ANK3: variants seen among roughly 807,000 people sequenced by gnomAD.
ANK3 encodes the protein ankyrin-3.
Under a neutral mutation model 370.9 loss-of-function variants are expected in ANK3, and 57 were observed. The observed-to-expected ratio is 0.15, with a 90% CI of 0.12 to 0.19. The LOEUF (loss-of-function observed/expected upper bound fraction) is 0.19. Ranked by LOEUF, ANK3 falls within the 10% of genes least tolerant of loss-of-function variation. The probability of loss-of-function intolerance (pLI) is 1.00; values close to 1 mark genes in which losing one functional copy is unlikely to be tolerated. For missense variants in ANK3, 4,439 were observed against 5,302.1 expected (o/e 0.84, Z 5.06); for synonymous variants, 1,929 against 1,946.3 (o/e 0.99, Z 0.23).
chr10:60,340,605 T>G (rs1594117682), intron 1 of ANK3, among the ~76,000 whole-genome samples: 1 of 152,008 alleles, frequency 6.6e-6, no homozygotes, highest in East Asian at 1.9e-4. Flanking sequence ...AGATATGGGG[T>G]TTCACCATGT....
At chr10:60,501,222 G>A (rs2075787446) in intron 2 of ANK3, among the ~76,000 whole-genome samples, 1 of 152,178 alleles carries the variant, frequency 6.6e-6, no homozygotes, top group African/African-American at 2.4e-5. Context: ...GAGCAGGCAG[G>A]AGGTGAGAGG....
At chr10:60,701,739 T>C (rs1480461281) in intron 1 of ANK3, among the ~76,000 whole-genome samples, 1 of 152,250 alleles carries the variant, frequency 6.6e-6, no homozygotes, top group African/African-American at 2.4e-5. Flanking sequence ...CTTTGTACTT[T>C]CTCTAATTAA....
At chr10:60,132,670 A>G (rs752150216) in intron 25 of ANK3, among the ~76,000 whole-genome samples, 50 of 151,206 alleles carry the variant, frequency 3.3e-4, no homozygotes, top group Middle Eastern at 3.5e-3. Flanking sequence ...AGGCTGGAGT[A>G]CAGTGGTGCA....
chr10:60,528,774 C>A (rs2076537293), intron 2 of ANK3, among the ~76,000 whole-genome samples: 1 of 152,048 alleles, frequency 6.6e-6, no homozygotes, highest in Non-Finnish European at 1.5e-5. Flanking sequence ...CCTCCCCAAC[C>A]ACTGCAGCAA....
At chr10:60,547,260 T>G (rs889069711) in intron 2 of ANK3, among the ~76,000 whole-genome samples, 2 of 151,342 alleles carry the variant, frequency 1.3e-5, no homozygotes, top group Admixed American at 6.6e-5. Context: ...CTAGCTAATT[T>G]TTTTGTATTT....
At chr10:60,114,530 T>C (rs1179029576) in intron 25 of ANK3, among the ~76,000 whole-genome samples, 199 bp from the exon 26 acceptor site, 1 of 152,222 alleles carries the variant, frequency 6.6e-6, no homozygotes, top group East Asian at 1.9e-4. Flanking sequence ...ATGTATTGTT[T>C]TATTTCAATC....
At chr10:60,716,384 G>A (rs2079788799) in intron 1 of ANK3, among the ~76,000 whole-genome samples, 1 of 151,676 alleles carries the variant, frequency 6.6e-6, no homozygotes, top group Non-Finnish European at 1.5e-5. Context: ...CTTAAATATA[G>A]GTTAAAAAAA....
At chr10:60,190,805 G>A (rs2096463524) in intron 16 of ANK3, among the ~76,000 whole-genome samples, 1 of 152,180 alleles carries the variant, frequency 6.6e-6, no homozygotes, top group African/African-American at 2.4e-5. Context: ...GAACAAAGTT[G>A]GAGGCATCAT....
upstream of ANK3, among the ~76,000 whole-genome samples, chr10:60,390,296 C>A (rs1412258964): frequency 6.6e-6 from 1 of 152,070 alleles, no homozygotes; most frequent in Admixed American, 6.5e-5. Context: ...AAACAACATG[C>A]TGATTACAAC....
chr10:60,657,180 C>T (rs1211120736), intron 1 of ANK3, among the ~76,000 whole-genome samples: 4 of 152,110 alleles, frequency 2.6e-5, no homozygotes, highest in Non-Finnish European at 2.9e-5. Context: ...CATTAGATCT[C>T]GTGAGACTTA....
intron 2 of ANK3, among the ~76,000 whole-genome samples, chr10:60,546,081 G>A (rs1351290983): frequency 1.3e-5 from 2 of 152,124 alleles, no homozygotes; most frequent in African/African-American, 4.8e-5. Flanking sequence ...TGTCACCCAG[G>A]CTGGAGGGCA....
intron 16 of ANK3, among the ~76,000 whole-genome samples, chr10:60,194,855 G>A (rs2096558638): frequency 6.6e-6 from 1 of 152,134 alleles, no homozygotes; most frequent in Non-Finnish European, 1.5e-5. Flanking sequence ...ATTTCACTGG[G>A]TATAATTCTG....
At chr10:60,255,998 C>T (rs918288554) in intron 7 of ANK3, among the ~76,000 whole-genome samples, 20 of 152,034 alleles carry the variant, frequency 1.3e-4, no homozygotes, top group Admixed American at 1.3e-4. Context: ...CAGTGGTCTC[C>T]GGGGGCTCAG....
At chr10:60,431,505 G>A (rs1005336773) in intron 2 of ANK3, among the ~76,000 whole-genome samples, 2 of 152,062 alleles carry the variant, frequency 1.3e-5, no homozygotes, top group Non-Finnish European at 2.9e-5. Context: ...GACCACTACT[G>A]GGGAATAAGG....
chr10:60,325,578 C>A (rs1264970077), intron 1 of ANK3, among the ~76,000 whole-genome samples: 1 of 152,178 alleles, frequency 6.6e-6, no homozygotes, highest in African/African-American at 2.4e-5. Flanking sequence ...CACACTTTTA[C>A]TGATTCTCTG....
chr10:60,321,255 G>T (rs1034155621), intron 1 of ANK3, among the ~76,000 whole-genome samples: 1 of 151,964 alleles, frequency 6.6e-6, no homozygotes, highest in Non-Finnish European at 1.5e-5. Context: ...AGCGTTGGTG[G>T]CACACATCTG....
intron 28 of ANK3, among the ~76,000 whole-genome samples, chr10:60,103,019 T>C (rs1309371935): frequency 1.3e-5 from 2 of 152,080 alleles, no homozygotes; most frequent in African/African-American, 4.8e-5. Context: ...GGCGCGATCT[T>C]GGCTCACTGC....
chr10:60,652,380 C>T (rs2078800847), intron 1 of ANK3, among the ~76,000 whole-genome samples: 1 of 151,984 alleles, frequency 6.6e-6, no homozygotes, highest in South Asian at 2.1e-4. Flanking sequence ...CCATCCAGGG[C>T]AACAGAAGGA....
At chr10:60,698,681 T>G (rs2079500907) in intron 1 of ANK3, among the ~76,000 whole-genome samples, 1 of 135,900 alleles carries the variant, frequency 7.4e-6, no homozygotes, top group Admixed American at 8.0e-5. Flanking sequence ...ATATTCTCAC[T>G]CATAGGTGGG....
Sources: allele counts gnomAD v4.1 joint callset (sites outside exome capture counted in the v4.1 genomes callset), GRCh38; gene constraint gnomAD v4.1.1; transcripts MANE v1.5; gene names NCBI Gene and HGNC (gene_info 2026-07-23, HGNC 2026-07-21).